GLIS1: variants seen among roughly 807,000 people sequenced by gnomAD.
GLIS1 encodes the protein zinc finger protein GLIS1.
GLIS1 carries 24 observed loss-of-function variants against 63.8 expected under a neutral mutation model. The observed-to-expected ratio is 0.38, with a 90% CI of 0.27 to 0.53. The LOEUF (loss-of-function observed/expected upper bound fraction) is 0.53, where lower values mean the gene tolerates loss of function less well. Among genes scored for constraint, GLIS1 ranks in the 20% least tolerant of loss-of-function variants. The pLI, the probability that GLIS1 is intolerant of heterozygous loss-of-function variation, is 0.85. For synonymous variants in GLIS1, 450 were observed against 482.5 expected (o/e 0.93, Z 0.88); for missense variants, 1,036 against 1,074.1 (o/e 0.96, Z 0.50).
chr1:53,713,418 T>G (rs1646665478), intron 2 of GLIS1, among the ~76,000 whole-genome samples: 1 of 151,890 alleles, frequency 6.6e-6, no homozygotes, highest in African/African-American at 2.4e-5. Flanking sequence ...GGCAACATGG[T>G]GAGACCTCAT....
chr1:53,692,916 C>T (rs1431214094), intron 2 of GLIS1, among the ~76,000 whole-genome samples: 1 of 152,224 alleles, frequency 6.6e-6, no homozygotes, highest in Non-Finnish European at 1.5e-5. Flanking sequence ...GCTGGACTGG[C>T]CTCTCTGTCA....
chr1:53,550,156 T>C (rs1644744075), intron 4 of GLIS1, among the ~76,000 whole-genome samples: 1 of 152,242 alleles, frequency 6.6e-6, no homozygotes, highest in Admixed American at 6.5e-5. Flanking sequence ...CTTACAGGCA[T>C]GCATGCTCAA....
At chr1:53,614,933 T>C (rs56256411) in intron 2 of GLIS1, among the ~76,000 whole-genome samples, 33,197 of 151,936 alleles carry the variant, frequency 0.22, 3,728 homozygotes, top group East Asian at 0.4. Flanking sequence ...CACACACATA[T>C]GCATTCTCTG....
At chr1:53,728,524 A>G (rs1049808946) in intron 2 of GLIS1, among the ~76,000 whole-genome samples, 17 of 152,162 alleles carry the variant, frequency 1.1e-4, no homozygotes, top group African/African-American at 3.6e-4. Flanking sequence ...AAGTTAGTAC[A>G]CAGAGCCAGG....
intron 2 of GLIS1, among the ~76,000 whole-genome samples, chr1:53,636,138 T>C (rs954606310): frequency 2.0e-5 from 3 of 152,166 alleles, no homozygotes; most frequent in African/African-American, 7.2e-5. Flanking sequence ...AAGGAGGCTA[T>C]AAGAAAGGAA....
chr1:53,626,306 C>G (rs1171497928), intron 2 of GLIS1, among the ~76,000 whole-genome samples: 2 of 152,186 alleles, frequency 1.3e-5, no homozygotes, highest in Non-Finnish European at 2.9e-5. Flanking sequence ...AGCCTCCCTC[C>G]ACCACACCCC....
At chr1:53,726,286 A>G (rs995783600) in intron 2 of GLIS1, among the ~76,000 whole-genome samples, 3 of 152,180 alleles carry the variant, frequency 2.0e-5, no homozygotes, top group East Asian at 1.9e-4. Context: ...CTCCGGGCAC[A>G]TCATTTAGCT....
intron 2 of GLIS1, among the ~76,000 whole-genome samples, chr1:53,702,709 C>T (rs763432112): frequency 1.3e-5 from 2 of 152,230 alleles, no homozygotes; most frequent in African/African-American, 2.4e-5. Flanking sequence ...TAATGAGGAA[C>T]GACTGTGTCG....
At chr1:53,662,368 A>G (rs1270788946) in intron 2 of GLIS1, among the ~76,000 whole-genome samples, 1 of 152,192 alleles carries the variant, frequency 6.6e-6, no homozygotes, top group Non-Finnish European at 1.5e-5. Context: ...TATTGAAACC[A>G]TGTGTTCCCA....
intron 10 of GLIS1, among the ~76,000 whole-genome samples, 167 bp from the exon 11 acceptor site, chr1:53,506,943 G>A (rs557621617): frequency 7.2e-5 from 11 of 152,282 alleles, no homozygotes; most frequent in South Asian, 6.2e-4. Context: ...GGAGCTGGCC[G>A]CTGGGGTGGG....
chr1:53,642,413 C>T (rs1645796968), intron 2 of GLIS1, among the ~76,000 whole-genome samples: 1 of 152,136 alleles, frequency 6.6e-6, no homozygotes, highest in African/African-American at 2.4e-5. Context: ...TTCAGGTTGC[C>T]ACGCAACGAT....
chr1:53,520,917 T>C, intron 6 of GLIS1, 151 bp from the exon 7 acceptor site: 1 of 824,872 alleles, frequency 1.2e-6, no homozygotes, highest in South Asian at 2.2e-5. Context: ...TGAAATGGGC[T>C]GACTGTGTAC....
At chr1:53,556,213 G>GGTGT (rs1436956514) in intron 4 of GLIS1, among the ~76,000 whole-genome samples, 2 of 101,584 alleles carry the variant, frequency 2.0e-5, no homozygotes, top group Non-Finnish European at 3.8e-5. Flanking sequence ...GTGTATTGCA[G>GGTGT]GTGTGTGTGT....
intron 10 of GLIS1, among the ~76,000 whole-genome samples, chr1:53,508,260 G>A (rs528126539): frequency 1.3e-4 from 20 of 152,344 alleles, no homozygotes; most frequent in South Asian, 1.0e-3. Flanking sequence ...ACGGGCACAC[G>A]CAGACACCTG....
chr1:53,557,860 C>T (rs1393338100), intron 4 of GLIS1, among the ~76,000 whole-genome samples: 1 of 152,212 alleles, frequency 6.6e-6, no homozygotes, highest in Non-Finnish European at 1.5e-5. Context: ...AATCCTTTAT[C>T]CATTCCATAT....
At chr1:53,530,411 C>T (rs932836984) in intron 4 of GLIS1, among the ~76,000 whole-genome samples, 8 of 152,158 alleles carry the variant, frequency 5.3e-5, no homozygotes, top group African/African-American at 1.9e-4. Context: ...CGCCTTGTTT[C>T]CTTGTTTTCA....
chr1:53,538,174 G>T (rs778683677), intron 4 of GLIS1, among the ~76,000 whole-genome samples: 20 of 152,240 alleles, frequency 1.3e-4, no homozygotes, highest in Non-Finnish European at 2.8e-4. Flanking sequence ...GGGAGGTTGA[G>T]GCAAGAATGG....
At chr1:53,634,647 A>G (rs1296713320) in intron 2 of GLIS1, among the ~76,000 whole-genome samples, 13 of 151,890 alleles carry the variant, frequency 8.6e-5, no homozygotes, top group Admixed American at 8.5e-4. Context: ...TGGGCTCTGG[A>G]CTCTTCTAGC....
chr1:53,719,308 C>G (rs1206452610), intron 2 of GLIS1, among the ~76,000 whole-genome samples: 1 of 152,232 alleles, frequency 6.6e-6, no homozygotes, highest in African/African-American at 2.4e-5. Context: ...TAGAGCCCTT[C>G]TCTCTTGAGT....
Sources: gnomAD v4.1 joint callset for allele counts (sites outside exome capture counted in the v4.1 genomes callset) on GRCh38, gnomAD v4.1.1 for gene constraint, MANE v1.5 for transcripts, NCBI Gene and HGNC (gene_info 2026-07-23, HGNC 2026-07-21) for gene names.